The following NSMCE2 variants were observed in gnomAD, a reference collection of about 807,000 sequenced individuals.
NSMCE2 encodes the protein E3 SUMO-protein ligase NSE2.
In NSMCE2, 24 loss-of-function variants were observed where a neutral mutation model predicts 23.8. The ratio of observed to expected loss-of-function variants is 1.01; its 90% CI spans 0.73 to 1.42. The LOEUF (loss-of-function observed/expected upper bound fraction) is 1.42, where lower values mean the gene tolerates loss of function less well. NSMCE2 is among the 40% of genes most tolerant of loss of function. The pLI is 0.00. For missense variants in NSMCE2, 284 were observed against 296.5 expected (o/e 0.96, Z 0.31); for synonymous variants, 92 against 94.1 (o/e 0.98, Z 0.13).
chr8:125,173,730 G>A (rs920360382), intron 4 of NSMCE2, among the ~76,000 whole-genome samples: 3 of 152,258 alleles, frequency 2.0e-5, no homozygotes, highest in African/African-American at 7.2e-5. Flanking sequence ...CTGAAAGTTA[G>A]GATGTATGTC....
chr8:125,365,299 A>T (rs1813731245), intron 7 of NSMCE2, among the ~76,000 whole-genome samples: 1 of 152,114 alleles, frequency 6.6e-6, no homozygotes, highest in Non-Finnish European at 1.5e-5. Context: ...CCTTTCGCTT[A>T]TGCTCCACAG....
intron 5 of NSMCE2, among the ~76,000 whole-genome samples, chr8:125,288,776 C>T (rs746192805): frequency 2.6e-5 from 4 of 152,062 alleles, no homozygotes; most frequent in Non-Finnish European, 4.4e-5. Flanking sequence ...GTCTTTTCCC[C>T]AGTCTTTATT....
intron 5 of NSMCE2, among the ~76,000 whole-genome samples, chr8:125,262,683 A>G (rs933930306): frequency 6.6e-6 from 1 of 151,878 alleles, no homozygotes; most frequent in Non-Finnish European, 1.5e-5. Context: ...TAAGCATTAC[A>G]CTGGAAGTCT....
At chr8:125,307,552 G>T (rs1828814590) in intron 5 of NSMCE2, among the ~76,000 whole-genome samples, 1 of 152,198 alleles carries the variant, frequency 6.6e-6, no homozygotes, top group Non-Finnish European at 1.5e-5. Flanking sequence ...ACACCTTGTT[G>T]TGAAGCCACT....
intron 7 of NSMCE2, among the ~76,000 whole-genome samples, chr8:125,359,420 G>A (rs1435567269): frequency 5.8e-5 from 8 of 137,046 alleles, no homozygotes; most frequent in Non-Finnish European, 1.1e-4. Flanking sequence ...CACAACCTCC[G>A]TCTCCCAGGT....
chr8:125,211,747 G>T (rs1284620556), intron 5 of NSMCE2, among the ~76,000 whole-genome samples: 1 of 152,174 alleles, frequency 6.6e-6, no homozygotes, highest in East Asian at 1.9e-4. Flanking sequence ...AACTCAGTAG[G>T]TTATTAAACC....
Position 125,102,492 on chromosome 8 carries a change from G to A in NSMCE2, c.157+5G>A, listed in dbSNP as rs949289670. The A allele has an allele frequency of 1.2e-6, 2 of 1,612,404 alleles. No individual in the cohort carries two copies. The highest frequency in any genetic ancestry group is 1.3e-5 in the African/African-American group (1 of 74,858). On this transcript the variant is annotated splice_donor_5th_base_variant and intron_variant, in intron 3 of 7. Transcript: ENST00000287437. ...TGGATCTTGTGGAAAGTCAGAGTAAGTAAAATTAAAACCTCTTTTGTGTCT... is the reference window on the plus strand; with the variant it reads ...TGGATCTTGTGGAAAGTCAGAGTAAATAAAATTAAAACCTCTTTTGTGTCT...
intron 3 of NSMCE2, among the ~76,000 whole-genome samples, chr8:125,132,921 A>G (rs565084856): frequency 1.3e-5 from 2 of 152,336 alleles, no homozygotes; most frequent in African/African-American, 2.4e-5. Flanking sequence ...TAGGCCTGAA[A>G]TGCACTTTAC....
At chr8:125,105,843 A>G (rs1275306735) in intron 3 of NSMCE2, among the ~76,000 whole-genome samples, 1 of 152,186 alleles carries the variant, frequency 6.6e-6, no homozygotes, top group Non-Finnish European at 1.5e-5. Flanking sequence ...TAAAAGAAAG[A>G]TGTATTTATT....
chr8:125,349,215 A>G (rs1377363554), intron 5 of NSMCE2, among the ~76,000 whole-genome samples: 1 of 152,226 alleles, frequency 6.6e-6, no homozygotes, highest in African/African-American at 2.4e-5. Context: ...ATTGGCACAG[A>G]TACATACTCA....
intron 5 of NSMCE2, among the ~76,000 whole-genome samples, chr8:125,308,021 G>C (rs1038757434): frequency 1.3e-5 from 2 of 151,944 alleles, no homozygotes; most frequent in African/African-American, 4.8e-5. Context: ...TGCTTCCCCT[G>C]TGGAAACAGT....
chr8:125,125,411 G>A (rs563363838), intron 3 of NSMCE2, among the ~76,000 whole-genome samples: 4 of 152,266 alleles, frequency 2.6e-5, no homozygotes, highest in East Asian at 1.9e-4. Context: ...ATCACAGAGC[G>A]GGTATTGAAG....
chr8:125,159,167 T>C (rs1350829918), intron 4 of NSMCE2, among the ~76,000 whole-genome samples: 1 of 152,238 alleles, frequency 6.6e-6, no homozygotes, highest in African/African-American at 2.4e-5. Context: ...ACATAACTTA[T>C]TACAGTATAC....
chr8:125,325,355 G>A (rs1007815788), intron 5 of NSMCE2, among the ~76,000 whole-genome samples: 4 of 151,920 alleles, frequency 2.6e-5, no homozygotes, highest in Non-Finnish European at 5.9e-5. Flanking sequence ...ATTGTCAGGG[G>A]ATTAATTAGA....
intron 5 of NSMCE2, among the ~76,000 whole-genome samples, chr8:125,327,871 C>T (rs73704928): frequency 0.027 from 4,172 of 152,206 alleles, 185 homozygotes; most frequent in African/African-American, 0.095. Context: ...AGATTCTTGA[C>T]ATCTCTAAAT....
At chr8:125,291,759 C>A (rs1586727459) in intron 5 of NSMCE2, among the ~76,000 whole-genome samples, 1 of 152,166 alleles carries the variant, frequency 6.6e-6, no homozygotes, top group Non-Finnish European at 1.5e-5. Context: ...ATTCTGGAAG[C>A]AAGCCAGATC....
At chr8:125,220,525 G>T (rs1824802373) in intron 5 of NSMCE2, among the ~76,000 whole-genome samples, 1 of 151,766 alleles carries the variant, frequency 6.6e-6, no homozygotes, top group African/African-American at 2.4e-5. Flanking sequence ...CTCTGTCAGA[G>T]AATTTCAACA....
At chr8:125,191,569 G>A (rs554660905) in intron 5 of NSMCE2, among the ~76,000 whole-genome samples, 1 of 152,268 alleles carries the variant, frequency 6.6e-6, no homozygotes, top group East Asian at 1.9e-4. Flanking sequence ...TTAGAGATTA[G>A]GGAGTAGTAA....
At chr8:125,257,522 CTTTTTTTTTTT>C (rs1174718163) in intron 5 of NSMCE2, among the ~76,000 whole-genome samples, 43 of 84,632 alleles carry the variant, frequency 5.1e-4, no homozygotes, top group African/African-American at 1.2e-3. Context: ...CCAAATTTCT[CTTTTTTTTTTT>C]TTTTTTTTTT....
Sources: allele counts gnomAD v4.1 joint callset (sites outside exome capture counted in the v4.1 genomes callset), GRCh38; gene constraint gnomAD v4.1.1; transcripts MANE v1.5; gene names NCBI Gene and HGNC (gene_info 2026-07-23, HGNC 2026-07-21).